FAM184B: variants seen among roughly 807,000 people sequenced by gnomAD.
The protein encoded by FAM184B is family with sequence similarity 184 member B, also known as protein FAM184B.
Under a neutral mutation model 135.9 loss-of-function variants are expected in FAM184B, and 111 were observed. The ratio of observed to expected loss-of-function variants is 0.82; its 90% CI spans 0.70 to 0.96. FAM184B has a LOEUF of 0.96. Ranked by LOEUF, FAM184B falls within the 40% of genes least tolerant of loss-of-function variation. FAM184B has a pLI of 0.00. For missense variants in FAM184B, 1,375 were observed against 1,323.9 expected (o/e 1.04, Z -0.60); for synonymous variants, 552 against 524.8 (o/e 1.05, Z -0.71).
chr4:17,650,541 A>G (rs1010521234), intron 11 of FAM184B, among the ~76,000 whole-genome samples: 2 of 152,164 alleles, frequency 1.3e-5, no homozygotes, highest in Non-Finnish European at 1.5e-5. Context: ...AAAGCCAGGG[A>G]AGGGGTGGCA....
Position 17,709,191 on chromosome 4 carries a change from C to A in FAM184B, c.595G>T (p.Glu199Ter), listed in dbSNP as rs770563665. 1.9e-6 allele frequency: 3 copies of A among 1,548,350 alleles called. No homozygotes were observed. Among genetic ancestry groups the A allele is most frequent in the Non-Finnish European group, 2.6e-6 (3 of 1,146,670 alleles). ...TTCTCCACTCGCAGCCGCTGCACCT[C>A]TAGCAGGACCTCCTGCATCTCCGGG... is the stretch of plus-strand genomic sequence containing the variant. ...QGPEMQEVLL[E>*]VQRLRVENQQ... Residue 199 changes from glutamate to a stop codon, truncating the protein, a stop_gained, in exon 2 of 18, where the codon GAG (glutamate) becomes TAG (stop). Coordinates refer to ENST00000265018, the MANE Select transcript of FAM184B (RefSeq NM_015688.2). LOFTEE classifies it high-confidence loss of function.
chr4:17,746,501 T>C (rs1220183944), intron 1 of FAM184B, among the ~76,000 whole-genome samples: 17 of 146,618 alleles, frequency 1.2e-4, no homozygotes, highest in East Asian at 4.3e-4. Flanking sequence ...GAGGCTGAGG[T>C]GGGTGGATCA....
chr4:17,642,340 CT>C (rs2108931089), intron 12 of FAM184B, 112 bp from the exon 13 acceptor site: 1 of 1,375,790 alleles, frequency 7.3e-7, no homozygotes, highest in African/African-American at 1.5e-5. Flanking sequence ...CCCGCCCAGG[CT>C]GGAGCCTGTG....
At chr4:17,677,806 C>A (rs1560174176) in intron 7 of FAM184B, among the ~76,000 whole-genome samples, 2 of 152,014 alleles carry the variant, frequency 1.3e-5, no homozygotes, top group African/African-American at 4.8e-5. Flanking sequence ...AACAGCATAT[C>A]AAAAAAATAA....
rs889852276 is a variant in FAM184B, at chr4:17,768,300, C to T, written c.141+12859G>A. ...ACCCCACCCCCCCTTTTATTTGAGA[C>T]GAAGTCTCTTGTCGCCCAGACTGGG... On this transcript the variant is annotated intron_variant, in intron 1 of 17. Transcript: ENST00000265018. Among the ~76,000 whole-genome samples, 11 of 152,212 alleles carry T rather than the reference C, an allele frequency of 7.2e-5. No individual in the cohort carries two copies. The East Asian group carries it at 7.7e-4, about 11-fold the overall frequency.
At chr4:17,655,250 A>G (rs1373926094) in intron 10 of FAM184B, among the ~76,000 whole-genome samples, 2 of 152,150 alleles carry the variant, frequency 1.3e-5, no homozygotes, top group African/African-American at 4.8e-5. Flanking sequence ...AATTGGTGAC[A>G]TGTTTATCCC....
In FAM184B at chr4:17,647,752, C is replaced by T. The variant is rs1293874133; in HGVS notation, c.2231G>A (p.Cys744Tyr). Residue 744 changes from cysteine (C) to tyrosine (Y), a missense_variant, in exon 12 of 18, where the codon TGT becomes TAT. Physicochemically the swap from Cys to Tyr is radical, Grantham distance 194. Transcript: ENST00000265018. ...RQELSEQQAA[C>Y]SGHQKDLEAL... ...CTCCAAGTCCTTCTGGTGCCCAGAA[C>T]AGGCAGCTTGCTGCTCCGACAGCTC... The T allele has an allele frequency of 1.3e-6, 2 of 1,550,900 alleles. No homozygotes were observed. The highest frequency in any genetic ancestry group is 2.4e-5 in the East Asian group (1 of 40,904).
intron 6 of FAM184B, among the ~76,000 whole-genome samples, 173 bp downstream of exon 6, chr4:17,693,129 C>T (rs1208997017): frequency 1.3e-5 from 2 of 151,964 alleles, no homozygotes; most frequent in Non-Finnish European, 2.9e-5. Flanking sequence ...TTTGTTTAAG[C>T]ATCTCTAATC....
At chr4:17,685,496 C>T (rs1376580322) in intron 7 of FAM184B, among the ~76,000 whole-genome samples, 2 of 146,880 alleles carry the variant, frequency 1.4e-5, no homozygotes, top group African/African-American at 5.1e-5. Flanking sequence ...TTGCAGTGAG[C>T]CGAGATCATG....
intron 1 of FAM184B, among the ~76,000 whole-genome samples, chr4:17,747,680 G>A (rs1351047605): frequency 6.6e-6 from 1 of 151,928 alleles, no homozygotes; most frequent in Non-Finnish European, 1.5e-5. Flanking sequence ...CCAGCACTTT[G>A]GGAGGCCGAG....
chr4:17,734,394 A>G (rs1375244789), intron 1 of FAM184B, among the ~76,000 whole-genome samples: 5 of 152,204 alleles, frequency 3.3e-5, no homozygotes, highest in Non-Finnish European at 5.9e-5. Context: ...GTGAACAGGC[A>G]ACCTACAAAA....
chr4:17,680,732 C>T (rs1716418526), intron 7 of FAM184B, among the ~76,000 whole-genome samples: 1 of 152,208 alleles, frequency 6.6e-6, no homozygotes, highest in Admixed American at 6.5e-5. Context: ...TCCAAACCAT[C>T]TACTGCAAAT....
chr4:17,708,707 A>ATG (rs1420351303), intron 2 of FAM184B, among the ~76,000 whole-genome samples, 185 bp downstream of exon 2: 1 of 54,968 alleles, frequency 1.8e-5, no homozygotes, highest in African/African-American at 7.8e-5. Context: ...ATATATATAT[A>ATG]TAGTGTCTGT....
At chr4:17,769,249 T>C (rs564717805) in intron 1 of FAM184B, among the ~76,000 whole-genome samples, 1 of 152,250 alleles carries the variant, frequency 6.6e-6, no homozygotes, top group African/African-American at 2.4e-5. Flanking sequence ...TTACATATAA[T>C]ATAACTATTT....
At chr4:17,676,056 C>T (rs1019141720) in intron 7 of FAM184B, among the ~76,000 whole-genome samples, 5 of 152,192 alleles carry the variant, frequency 3.3e-5, no homozygotes, top group Non-Finnish European at 5.9e-5. Context: ...GCTAACTGTT[C>T]AGCACAAGAT....
At chr4:17,635,872 C>T (rs1324888334) in intron 15 of FAM184B, among the ~76,000 whole-genome samples, 1 of 152,102 alleles carries the variant, frequency 6.6e-6, no homozygotes, top group Non-Finnish European at 1.5e-5. Context: ...TAGGGAGTGG[C>T]TTTGCTAAGT....
At chr4:17,752,110 T>C (rs1718309220) in intron 1 of FAM184B, among the ~76,000 whole-genome samples, 1 of 152,186 alleles carries the variant, frequency 6.6e-6, no homozygotes, top group Admixed American at 6.5e-5. Context: ...GGCTCTGTTT[T>C]CACTAGGCTG....
At chr4:17,645,108 C>T (rs1334203044) in intron 12 of FAM184B, among the ~76,000 whole-genome samples, 1 of 152,142 alleles carries the variant, frequency 6.6e-6, no homozygotes, top group Non-Finnish European at 1.5e-5. Flanking sequence ...AAGAACATTC[C>T]ATGCTCATGG....
At chr4:17,739,759 T>C (rs1717989225) in intron 1 of FAM184B, among the ~76,000 whole-genome samples, 1 of 151,800 alleles carries the variant, frequency 6.6e-6, no homozygotes, top group Non-Finnish European at 1.5e-5. Context: ...TTCCACCATG[T>C]TGGCCAGGCT....
Sources: gnomAD v4.1 joint callset for allele counts (sites outside exome capture counted in the v4.1 genomes callset) on GRCh38, gnomAD v4.1.1 for gene constraint, MANE v1.5 for transcripts, NCBI Gene and HGNC (gene_info 2026-07-23, HGNC 2026-07-21) for gene names.